The following PPP4R2 variants were observed in gnomAD, a reference collection of about 807,000 sequenced individuals.
PPP4R2 encodes serine/threonine-protein phosphatase 4 regulatory subunit 2.
A neutral mutation model predicts 47.2 loss-of-function variants in PPP4R2; 13 were observed. That is an observed-to-expected ratio of 0.28 (90% CI 0.18 to 0.44). PPP4R2 has a LOEUF of 0.44. PPP4R2 is among the 20% of genes least tolerant of loss of function. PPP4R2 has a pLI of 1.00. For synonymous variants in PPP4R2, 151 were observed against 163.3 expected (o/e 0.92, Z 0.57); for missense variants, 421 against 491.2 (o/e 0.86, Z 1.35).
At chr3:73,022,894 A>G (rs1701988308) in intron 2 of PPP4R2, among the ~76,000 whole-genome samples, 1 of 151,872 alleles carries the variant, frequency 6.6e-6, no homozygotes, top group African/African-American at 2.4e-5. Flanking sequence ...TGGAAGAGAC[A>G]TTCACTCTTG....
At chr3:73,060,413 A>G (rs1702829000) in intron 4 of PPP4R2, among the ~76,000 whole-genome samples, 1 of 152,170 alleles carries the variant, frequency 6.6e-6, no homozygotes, top group East Asian at 1.9e-4. Context: ...GCAGTGTTTC[A>G]TAGTTGTGTG....
chr3:73,041,935 A>C (rs868422896), intron 2 of PPP4R2, among the ~76,000 whole-genome samples: 3 of 152,236 alleles, frequency 2.0e-5, no homozygotes, highest in Admixed American at 1.3e-4. Flanking sequence ...AAAAAAGGTC[A>C]ATGTAAAATC....
At chr3:73,031,704 A>C (rs1702166865) in intron 2 of PPP4R2, among the ~76,000 whole-genome samples, 1 of 152,188 alleles carries the variant, frequency 6.6e-6, no homozygotes, top group Non-Finnish European at 1.5e-5. Context: ...AGAGAATGCC[A>C]ATATAAGCCC....
Position 73,016,729 on chromosome 3 carries a change from G to GTTTTT in PPP4R2, c.116+18574_116+18575insTTTTT, listed in dbSNP as rs752008242. On this transcript the variant is annotated intron_variant, in intron 2 of 8. Coordinates refer to ENST00000356692, the MANE Select transcript of PPP4R2 (RefSeq NM_174907.4). The stretch of plus-strand genomic sequence containing the variant: ...TGTTAACTAGCTTTATTGGTTCATT[G>GTTTTT]TTTATTTTTATTATTTTTTTTTTTT... Among the ~76,000 whole-genome samples the GTTTTT allele has an allele frequency of 5.7e-5, 4 of 69,830 alleles. 1 individual carries two copies. Among genetic ancestry groups the GTTTTT allele is most frequent in the Non-Finnish European group, 8.8e-5 (3 of 34,118 alleles). The allele number at this position is 69,830 out of a possible 152,430, so 45.8% of individuals were successfully genotyped here.
At chr3:73,037,536 C>T (rs1455361864) in intron 2 of PPP4R2, among the ~76,000 whole-genome samples, 2 of 152,128 alleles carry the variant, frequency 1.3e-5, no homozygotes. Context: ...GTGAGGATTG[C>T]TGCTAGATAG....
In PPP4R2 at chr3:73,016,804, T is replaced by A. The variant is rs867788181; in HGVS notation, c.116+18646T>A. On this transcript the variant is annotated intron_variant, in intron 2 of 8. Transcript: ENST00000356692. ...CATTCTGTTAACTGGCTTTACTGGT[T>A]CATTGTTTCTTTTTTTTTTTTTTTT... 6.2e-5 allele frequency among the ~76,000 whole-genome samples: 8 copies of A among 128,012 alleles called. No individual in the cohort carries two copies. The South Asian group carries it at 2.0e-3, about 31-fold the overall frequency. The allele number at this position is 128,012 out of a possible 152,430, so 84.0% of individuals were successfully genotyped here.
intron 3 of PPP4R2, 125 bp downstream of exon 3, chr3:73,047,481 A>G: frequency 1.7e-6 from 1 of 588,802 alleles, no homozygotes. Context: ...GTTTCTAGTG[A>G]CATGTAGTAG....
At chr3:73,001,361 C>T (rs547896165) in intron 2 of PPP4R2, among the ~76,000 whole-genome samples, 11 of 151,934 alleles carry the variant, frequency 7.2e-5, no homozygotes, top group Admixed American at 5.9e-4. Context: ...CCCAGGAGTT[C>T]GAGACCAGCC....
chr3:72,999,361 C>G (rs1701414000), intron 2 of PPP4R2, among the ~76,000 whole-genome samples: 1 of 152,082 alleles, frequency 6.6e-6, no homozygotes. Flanking sequence ...TAAAAATGAC[C>G]ACATGCCATC....
Position 73,062,387 on chromosome 3 carries a change from C to T in PPP4R2, c.420-1286C>T, listed in dbSNP as rs766803473. 4.4e-6 allele frequency: 7 copies of T among 1,606,896 alleles called. No individual in the cohort carries two copies. The African/African-American group carries it at 6.7e-5, about 15-fold the overall frequency. On this transcript the variant is annotated intron_variant, in intron 5 of 8. Coordinates refer to ENST00000356692, the MANE Select transcript of PPP4R2 (RefSeq NM_174907.4). ...AACCCAGCATTGGGGATATTAAGGA[C>T]ATTAAAAAAGCAGCCAAGTCTATGC...
chr3:73,042,348 C>G (rs1702395419), intron 2 of PPP4R2, among the ~76,000 whole-genome samples: 1 of 147,068 alleles, frequency 6.8e-6, no homozygotes, highest in African/African-American at 2.5e-5. Flanking sequence ...TTTTTTGTGC[C>G]TGAATATAAT....
chr3:73,049,036 AATT>A (rs1283890471), intron 3 of PPP4R2, among the ~76,000 whole-genome samples: 3 of 152,190 alleles, frequency 2.0e-5, no homozygotes, highest in Non-Finnish European at 4.4e-5. Context: ...GGACTGTTGA[AATT>A]ATTTAACCAA....
At chr3:73,005,055 A>C (rs1440326058) in intron 2 of PPP4R2, among the ~76,000 whole-genome samples, 1 of 151,416 alleles carries the variant, frequency 6.6e-6, no homozygotes, top group Non-Finnish European at 1.5e-5. Context: ...CGCTAACCGC[A>C]ATCTCCGCCT....
At chr3:73,016,357 G>C (rs1280205355) in intron 2 of PPP4R2, among the ~76,000 whole-genome samples, 2 of 152,056 alleles carry the variant, frequency 1.3e-5, no homozygotes, top group Non-Finnish European at 2.9e-5. Context: ...CAGTTTGGGG[G>C]CATGCTGCCG....
At chr3:73,002,795 C>G (rs906919560) in intron 2 of PPP4R2, among the ~76,000 whole-genome samples, 3 of 151,652 alleles carry the variant, frequency 2.0e-5, no homozygotes, top group African/African-American at 7.3e-5. Context: ...GCATGCGCCA[C>G]CACGCCTGGC....
At chr3:73,052,779 G>GAAT (rs1702645995) in intron 3 of PPP4R2, among the ~76,000 whole-genome samples, 1 of 152,202 alleles carries the variant, frequency 6.6e-6, no homozygotes, top group African/African-American at 2.4e-5. Flanking sequence ...CTCACTCTGT[G>GAAT]AATAGTAAAC....
At chr3:73,015,007 A>ATT in intron 2 of PPP4R2, 1 of 669,562 alleles carries the variant, frequency 1.5e-6, no homozygotes, top group Non-Finnish European at 2.7e-6. Context: ...CCCAGTCGTA[A>ATT]TTTTTTTTCC....
chr3:73,053,598 T>C (rs925883622), intron 3 of PPP4R2, among the ~76,000 whole-genome samples: 7 of 152,010 alleles, frequency 4.6e-5, no homozygotes, highest in African/African-American at 1.7e-4. Flanking sequence ...ATCATTGGGG[T>C]TCCTTATCAT....
chr3:73,064,910 C>T lies in PPP4R2; in HGVS notation c.697C>T (p.Pro233Ser), dbSNP rs1316072539. Residue 233 changes from proline to serine, a missense_variant, in exon 8 of 9, where the codon CCA (proline) becomes TCA (serine). Transcript: ENST00000356692. ...SSVSPLKNKH[P>S]DEDAVEAEGH... ...AGTGAGCCCTTTGAAAAATAAACAT[C>T]CAGATGAAGATGCTGTGGAAGCTGA... 3 of 1,613,496 alleles carry T rather than the reference C, an allele frequency of 1.9e-6. No individual in the cohort carries two copies. The highest frequency in any genetic ancestry group is 2.5e-6 in the Non-Finnish European group (3 of 1,179,660).
Sources: gnomAD v4.1 joint callset for allele counts (sites outside exome capture counted in the v4.1 genomes callset) on GRCh38, gnomAD v4.1.1 for gene constraint, MANE v1.5 for transcripts, NCBI Gene and HGNC (gene_info 2026-07-23, HGNC 2026-07-21) for gene names.